Variants in KIAA0586 observed in about 807,000 individuals in gnomAD.
KIAA0586 encodes KIAA0586.
KIAA0586 carries 144 observed loss-of-function variants against 169.8 expected under a neutral mutation model. The observed-to-expected ratio is 0.85, with a 90% CI of 0.74 to 0.97. KIAA0586 has a LOEUF of 0.97. Ranked by LOEUF, KIAA0586 falls within the 50% of genes least tolerant of loss-of-function variation. The pLI is 0.00. For synonymous variants in KIAA0586, 625 were observed against 612.4 expected (o/e 1.02, Z -0.30); for missense variants, 1,854 against 1,823.0 (o/e 1.02, Z -0.31).
At chr14:58,464,027 A>G (rs956043024) in intron 14 of KIAA0586, 1 of 448,546 alleles carries the variant, frequency 2.2e-6, no homozygotes, top group South Asian at 1.7e-5. Context: ...ATTTCAGACT[A>G]TGACCAGATA....
intron 4 of KIAA0586, among the ~76,000 whole-genome samples, chr14:58,434,375 A>T (rs778864509): frequency 1.9e-4 from 29 of 151,970 alleles, no homozygotes; most frequent in African/African-American, 2.9e-4. Context: ...AAATAAATTT[A>T]AAAAAAACCT....
intron 18 of KIAA0586, among the ~76,000 whole-genome samples, chr14:58,474,400 A>G (rs2041451056): frequency 1.3e-5 from 2 of 152,340 alleles, no homozygotes; most frequent in African/African-American, 4.8e-5. Flanking sequence ...TTCTAAAAAG[A>G]CAAACTGATT....
intron 29 of KIAA0586, among the ~76,000 whole-genome samples, chr14:58,528,781 C>G (rs764944834): frequency 6.6e-6 from 1 of 152,130 alleles, no homozygotes; most frequent in Non-Finnish European, 1.5e-5. Flanking sequence ...ACCCTAACAT[C>G]TCAATTAAAA....
At chr14:58,532,230 T>C (rs2046021721) in intron 29 of KIAA0586, among the ~76,000 whole-genome samples, 1 of 152,074 alleles carries the variant, frequency 6.6e-6, no homozygotes, top group Non-Finnish European at 1.5e-5. Context: ...TGTATGTGTA[T>C]GCAGCAGACA....
chr14:58,498,122 C>T (rs1329635878), intron 26 of KIAA0586, among the ~76,000 whole-genome samples: 8 of 151,896 alleles, frequency 5.3e-5, no homozygotes, highest in Non-Finnish European at 1.0e-4. Context: ...TGTGATCCGC[C>T]GCCTCGGCCT....
chr14:58,453,145 C>T (rs988058732), intron 8 of KIAA0586, among the ~76,000 whole-genome samples: 1 of 151,806 alleles, frequency 6.6e-6, no homozygotes, highest in Non-Finnish European at 1.5e-5. Flanking sequence ...TCTCGAACTT[C>T]CGACCTCAGA....
At chr14:58,441,392 G>A (rs1010258977) in intron 4 of KIAA0586, 1 of 371,048 alleles carries the variant, frequency 2.7e-6, no homozygotes, top group Non-Finnish European at 5.6e-6. Context: ...GTAGAGTCAG[G>A]ATTTTGCCAT....
chr14:58,500,970 A>G (rs1286634754), intron 27 of KIAA0586, among the ~76,000 whole-genome samples: 3 of 152,250 alleles, frequency 2.0e-5, no homozygotes, highest in Non-Finnish European at 4.4e-5. Flanking sequence ...ACAAATGACC[A>G]CAAAGGTGCT....
At chr14:58,526,107 G>A (rs1326712709) in intron 29 of KIAA0586, among the ~76,000 whole-genome samples, 2 of 152,230 alleles carry the variant, frequency 1.3e-5, no homozygotes, top group African/African-American at 4.8e-5. Context: ...CAGAGCACCT[G>A]TGGGAAGGGG....
chr14:58,473,708 C>G (rs540142432), intron 18 of KIAA0586, among the ~76,000 whole-genome samples: 1 of 152,150 alleles, frequency 6.6e-6, no homozygotes, highest in Non-Finnish European at 1.5e-5. Context: ...GAGTTCAGGA[C>G]CAGCCTGGCC....
rs184326283 is a variant in KIAA0586, at chr14:58,475,481, T to C, written c.2825+684T>C. 1.2e-3 allele frequency among the ~76,000 whole-genome samples: 182 copies of C among 150,962 alleles called. 1 individual carries two copies. The highest frequency in any genetic ancestry group is 4.3e-3 in the African/African-American group (178 of 41,150). On this transcript the variant is annotated intron_variant, in intron 19 of 30. Coordinates refer to ENST00000652326, the MANE Select transcript of KIAA0586 (RefSeq NM_001329943.3). ...GTTGGGACTGCTATACTAGGCCATATAATACCTAGCACTACAAAGAGGGCA... is the reference window on the plus strand; with the variant it reads ...GTTGGGACTGCTATACTAGGCCATACAATACCTAGCACTACAAAGAGGGCA...
At chr14:58,531,003 C>A (rs985655872) in intron 29 of KIAA0586, among the ~76,000 whole-genome samples, 2 of 151,968 alleles carry the variant, frequency 1.3e-5, no homozygotes, top group African/African-American at 4.8e-5. Flanking sequence ...AAGAAAAAAA[C>A]AACCCCATCA....
chr14:58,507,211 TTATA>T (rs1179858385), intron 27 of KIAA0586, among the ~76,000 whole-genome samples: 2 of 142,284 alleles, frequency 1.4e-5, no homozygotes, highest in Non-Finnish European at 3.0e-5. Context: ...TATGTATGAT[TTATA>T]TATATAAATC....
chr14:58,520,065 G>C (rs1342848852), intron 29 of KIAA0586, among the ~76,000 whole-genome samples: 1 of 152,066 alleles, frequency 6.6e-6, no homozygotes, highest in Non-Finnish European at 1.5e-5. Context: ...AGAGGGTAGG[G>C]GCAGCCGAGA....
chr14:58,439,880 G>T, intron 4 of KIAA0586: 1 of 952,750 alleles, frequency 1.0e-6, no homozygotes, highest in Non-Finnish European at 1.2e-6. Flanking sequence ...ACTCTCTTAG[G>T]GACTCTTCAG....
chr14:58,450,815 T>A, intron 8 of KIAA0586, 69 bp downstream of exon 8: 1 of 888,354 alleles, frequency 1.1e-6, no homozygotes, highest in Non-Finnish European at 1.8e-6. Flanking sequence ...TGCCTAGTAG[T>A]AACTGAAGTG....
intron 29 of KIAA0586, chr14:58,520,984 A>G (rs2045173624): frequency 7.4e-6 from 2 of 271,138 alleles, no homozygotes; most frequent in African/African-American, 4.5e-5. Context: ...CCCTAGAGAG[A>G]TGGATAAAAC....
chr14:58,491,841 A>G (rs1445421098), intron 25 of KIAA0586, among the ~76,000 whole-genome samples: 1 of 152,264 alleles, frequency 6.6e-6, no homozygotes, highest in Non-Finnish European at 1.5e-5. Context: ...GATATCATAT[A>G]AAACATTTAT....
At chr14:58,517,682 A>G (rs560048862) in intron 29 of KIAA0586, among the ~76,000 whole-genome samples, 1 of 152,340 alleles carries the variant, frequency 6.6e-6, no homozygotes, top group South Asian at 2.1e-4. Context: ...AAACTTTTTT[A>G]GCAGTTTATT....
Sources: allele counts gnomAD v4.1 joint callset (sites outside exome capture counted in the v4.1 genomes callset), GRCh38; gene constraint gnomAD v4.1.1; transcripts MANE v1.5; gene names NCBI Gene and HGNC (gene_info 2026-07-23, HGNC 2026-07-21).